Variants in SDK1 observed in about 807,000 individuals in gnomAD.
The protein encoded by SDK1 is sidekick cell adhesion molecule 1, also known as protein sidekick-1.
In SDK1, 157 loss-of-function variants were observed where a neutral mutation model predicts 245.5. The ratio of observed to expected loss-of-function variants is 0.64; its 90% CI spans 0.56 to 0.73. SDK1 has a LOEUF of 0.73. Ranked by LOEUF, SDK1 falls within the 30% of genes least tolerant of loss-of-function variation. The pLI, the probability that SDK1 is intolerant of heterozygous loss-of-function variation, is 0.00. For synonymous variants in SDK1, 1,647 were observed against 1,278.5 expected (o/e 1.29, Z -6.15); for missense variants, 3,583 against 3,002.3 (o/e 1.19, Z -4.52).
At chr7:3,466,698 T>G (rs1300310077) in intron 1 of SDK1, among the ~76,000 whole-genome samples, 1 of 151,798 alleles carries the variant, frequency 6.6e-6, no homozygotes, top group Non-Finnish European at 1.5e-5. Flanking sequence ...TTGTAGCATT[T>G]GCTAATAGTG....
intron 1 of SDK1, among the ~76,000 whole-genome samples, chr7:3,501,165 T>C (rs894890482): frequency 1.3e-5 from 2 of 152,216 alleles, no homozygotes; most frequent in African/African-American, 4.8e-5. Flanking sequence ...TATTATTTCA[T>C]TGCAGGGTGA....
chr7:3,883,366 G>A lies in SDK1; in HGVS notation c.847+61783G>A, dbSNP rs528795013. Among the ~76,000 whole-genome samples the A allele has an allele frequency of 1.1e-4, 17 of 152,328 alleles. No individual in the cohort carries two copies. In the South Asian group the frequency reaches 3.5e-3, roughly 32 times the overall value. Reference sequence around the variant, plus strand: ...ATCTCCTTGATAAGTCTTAAGCGAGGAACGTGCCTGAACGGCTAAGTGCTT... The same window carrying A: ...ATCTCCTTGATAAGTCTTAAGCGAGAAACGTGCCTGAACGGCTAAGTGCTT... On this transcript the variant is annotated intron_variant, in intron 5 of 44. Coordinates refer to ENST00000404826, the MANE Select transcript of SDK1 (RefSeq NM_152744.4).
intron 5 of SDK1, among the ~76,000 whole-genome samples, chr7:3,832,133 C>T (rs1026139575): frequency 6.6e-6 from 1 of 152,164 alleles, no homozygotes; most frequent in African/African-American, 2.4e-5. Flanking sequence ...TCAGTATTAT[C>T]CCCTTTTTGC....
chr7:4,138,573 C>T (rs2128203379), intron 28 of SDK1, among the ~76,000 whole-genome samples: 1 of 151,974 alleles, frequency 6.6e-6, no homozygotes, highest in South Asian at 2.1e-4. Flanking sequence ...ATGGTGAAAC[C>T]CCGTTTCTAC....
At chr7:3,984,364 T>C (rs1457889403) in intron 13 of SDK1, among the ~76,000 whole-genome samples, 4 of 152,218 alleles carry the variant, frequency 2.6e-5, no homozygotes, top group African/African-American at 9.6e-5. Flanking sequence ...TGTTTCTGTG[T>C]GCACTCTCAC....
At chr7:3,312,532 G>T (rs750845180) in intron 1 of SDK1, among the ~76,000 whole-genome samples, 5 of 151,826 alleles carry the variant, frequency 3.3e-5, no homozygotes, top group Non-Finnish European at 7.4e-5. Flanking sequence ...AAAGAACCCA[G>T]TAGGACTTCT....
chr7:4,010,308 C>T (rs1785836159), intron 14 of SDK1, among the ~76,000 whole-genome samples: 2 of 152,142 alleles, frequency 1.3e-5, no homozygotes. Context: ...GGTGTAGGAT[C>T]TCCAGCAGAA....
intron 21 of SDK1, 106 bp from the exon 22 acceptor site, chr7:4,079,357 T>C: frequency 7.4e-7 from 1 of 1,349,258 alleles, no homozygotes; most frequent in Non-Finnish European, 1.0e-6. Context: ...TTTTTTGGTA[T>C]AGAATCGTTT....
chr7:4,268,247 G>C lies in SDK1; in HGVS notation c.*2863G>C. The C allele has an allele frequency of 1.0e-6, 1 of 998,278 alleles. No individual in the cohort carries two copies. The highest frequency in any genetic ancestry group is 4.4e-5 in the South Asian group (1 of 22,646). 61.8% of individuals were successfully genotyped at this position (998,278 alleles called of 1,614,324 possible). A position where few individuals can be genotyped will look rare whatever the true frequency, so the allele number is the denominator to read the frequency against. On this transcript the variant is annotated 3_prime_UTR_variant, in exon 45 of 45. Coordinates refer to ENST00000404826, the MANE Select transcript of SDK1 (RefSeq NM_152744.4). ...CAAGGATGTGGTCACGGAGTGGCCA[G>C]GAGGCTCCGTCTGAGCCACAGGGAT... is the stretch of plus-strand genomic sequence containing the variant.
intron 4 of SDK1, among the ~76,000 whole-genome samples, chr7:3,687,056 A>AACACACACACACACAC (rs200034994): frequency 0.014 from 1,851 of 135,136 alleles, 15 homozygotes; most frequent in African/African-American, 0.018. Flanking sequence ...ATAGCATCAA[A>AACACACACACACACAC]ACACACACAC....
At chr7:3,623,825 C>T (rs1782024874) in intron 2 of SDK1, among the ~76,000 whole-genome samples, 2 of 152,100 alleles carry the variant, frequency 1.3e-5, no homozygotes, top group African/African-American at 4.8e-5. Context: ...ATACTCTAAA[C>T]TCCTAAAAAT....
intron 4 of SDK1, among the ~76,000 whole-genome samples, chr7:3,807,572 C>G (rs188669766): frequency 1.3e-5 from 2 of 152,150 alleles, no homozygotes; most frequent in Non-Finnish European, 2.9e-5. Context: ...CAGACAAAGA[C>G]ACACGAAGAC....
At chr7:4,065,684 A>C (rs1779831774) in intron 19 of SDK1, among the ~76,000 whole-genome samples, 1 of 96,836 alleles carries the variant, frequency 1.0e-5, no homozygotes, top group African/African-American at 5.3e-5. Flanking sequence ...CACCCAGATG[A>C]GTGGTTGTTG....
At chr7:4,246,617 G>A (rs1298560953) in intron 44 of SDK1, among the ~76,000 whole-genome samples, 1 of 152,104 alleles carries the variant, frequency 6.6e-6, no homozygotes, top group African/African-American at 2.4e-5. Context: ...GGAAGCTTCT[G>A]TCCTAGCTCC....
chr7:3,873,321 C>G (rs576971954), intron 5 of SDK1, among the ~76,000 whole-genome samples: 2 of 152,238 alleles, frequency 1.3e-5, no homozygotes, highest in Admixed American at 1.3e-4. Context: ...TTATCTTGCT[C>G]CTCTGTAGGC....
chr7:3,442,775 T>G (rs1454450988), intron 1 of SDK1, among the ~76,000 whole-genome samples: 1 of 152,220 alleles, frequency 6.6e-6, no homozygotes, highest in Non-Finnish European at 1.5e-5. Context: ...TTTTGTGTGT[T>G]CTTGTTGCCA....
chr7:3,474,092 T>TTTTG (rs1781269443), intron 1 of SDK1, among the ~76,000 whole-genome samples: 1 of 13,474 alleles, frequency 7.4e-5, no homozygotes, highest in Non-Finnish European at 1.8e-4. Flanking sequence ...CCAGATGGTG[T>TTTTG]TTTTTTTTTT....
At chr7:3,747,754 T>C (rs969793900) in intron 4 of SDK1, among the ~76,000 whole-genome samples, 1 of 151,704 alleles carries the variant, frequency 6.6e-6, no homozygotes, top group African/African-American at 2.4e-5. Flanking sequence ...TTGATGAATG[T>C]TGAAACGCAG....
intron 1 of SDK1, among the ~76,000 whole-genome samples, chr7:3,372,289 C>T (rs1372339611): frequency 6.6e-6 from 1 of 152,144 alleles, no homozygotes; most frequent in Non-Finnish European, 1.5e-5. Flanking sequence ...GCAGAAAAGG[C>T]TCCCAAGCTA....
Sources: gnomAD v4.1 joint callset for allele counts (sites outside exome capture counted in the v4.1 genomes callset) on GRCh38, gnomAD v4.1.1 for gene constraint, MANE v1.5 for transcripts, NCBI Gene and HGNC (gene_info 2026-07-23, HGNC 2026-07-21) for gene names.